Variants in STX11 observed in about 807,000 individuals in gnomAD.
STX11 encodes the protein syntaxin 11, also known as syntaxin-11.
Under a neutral mutation model 19.9 loss-of-function variants are expected in STX11, and 21 were observed. The ratio of observed to expected loss-of-function variants is 1.06; its 90% confidence interval spans 0.75 to 1.52. STX11 has a LOEUF of 1.52. Among genes scored for constraint, STX11 ranks in the 40% most tolerant of loss-of-function variants. The probability of loss-of-function intolerance (pLI) is 0.00; values close to 1 mark genes in which losing one functional copy is unlikely to be tolerated. For missense variants in STX11, 438 were observed against 405.9 expected (o/e 1.08, Z -0.68); for synonymous variants, 193 against 174.4 (o/e 1.11, Z -0.84).
chr6:144,149,318 C>T (rs1465313762), upstream of STX11, among the ~76,000 whole-genome samples: 3 of 151,158 alleles, frequency 2.0e-5, no homozygotes, highest in Admixed American at 6.6e-5. This position sits in a 1 kb window ranked among gnomAD's most constrained non-coding sequence, Gnocchi z 5.1. Context: ...TCAGTGTAGA[C>T]TCATGGATTT....
upstream of STX11, among the ~76,000 whole-genome samples, chr6:144,150,036 A>C (rs1800953059): frequency 1.3e-5 from 2 of 152,142 alleles, no homozygotes; most frequent in African/African-American, 4.8e-5. Flanking sequence ...GGTTCTGGGA[A>C]GGCGGTGCTC....
At position 144,186,637 on chromosome 6, in the gene STX11, C is replaced by T. The variant is rs757734793; in HGVS notation, c.10C>T (p.Arg4Trp). 2.5e-6 allele frequency: 4 copies of T among 1,614,038 alleles called. No homozygotes were observed. The highest frequency in any genetic ancestry group is 2.5e-6 in the Non-Finnish European group (3 of 1,180,034). Residue 4 changes from arginine to tryptophan, a missense_variant, in exon 2 of 2, where the codon CGG becomes TGG. Physicochemically the swap from Arg to Trp is moderately radical, Grantham distance 101 (BLOSUM62 -3). Transcript: ENST00000367568. ...TCTACTTGCAGGCAAAATGAAAGAC[C>T]GGCTAGCAGAACTTCTGGACTTGTC... MKD[R>W]LAELLDLSKQ...
In STX11 at chr6:144,150,601, G is replaced by A; in HGVS notation, c.-108G>A. 3.0e-6 allele frequency: 3 copies of A among 985,450 alleles called. No individual in the cohort carries two copies. The highest frequency in any genetic ancestry group is 3.6e-6 in the Non-Finnish European group (3 of 829,962). 61.0% of individuals were successfully genotyped at this position (985,450 alleles called of 1,614,324 possible). A position where few individuals can be genotyped will look rare whatever the true frequency, so the allele number is the denominator to read the frequency against. ...AGGAGGCGCCGGGAGCGGAGCCGCC[G>A]GGAGTCGCGCAACAGGTTTCCTTCT... On this transcript the variant is annotated 5_prime_UTR_variant, in exon 1 of 2. Coordinates refer to ENST00000367568, the MANE Select transcript of STX11 (RefSeq NM_003764.4).
At chr6:144,146,111 G>C (rs1800868903), upstream of STX11, among the ~76,000 whole-genome samples, 1 of 152,206 alleles carries the variant, frequency 6.6e-6, no homozygotes, top group Non-Finnish European at 1.5e-5. The surrounding 1 kb of genome is among the most constrained non-coding windows in gnomAD (Gnocchi z 4.4). Flanking sequence ...GGCCATGAAG[G>C]AGTTGCACCT....
chr6:144,173,036 G>A (rs184438053), intron 1 of STX11, among the ~76,000 whole-genome samples: 53 of 152,234 alleles, frequency 3.5e-4, no homozygotes, highest in African/African-American at 1.3e-3. Context: ...GTGGTTTCTT[G>A]GTTTATATTC....
At chr6:144,150,342 G>T (rs1374812825), upstream of STX11, among the ~76,000 whole-genome samples, 1 of 152,212 alleles carries the variant, frequency 6.6e-6, no homozygotes, top group Non-Finnish European at 1.5e-5. Flanking sequence ...TTGCGGGAGG[G>T]GCTGGAGCGC....
chr6:144,178,774 T>C (rs1801833328), intron 1 of STX11, among the ~76,000 whole-genome samples: 1 of 152,224 alleles, frequency 6.6e-6, no homozygotes. Context: ...AAATTTTGCT[T>C]TGAATGAGCC....
At chr6:144,179,061 A>C (rs772915774) in intron 1 of STX11, among the ~76,000 whole-genome samples, 3 of 152,178 alleles carry the variant, frequency 2.0e-5, no homozygotes, top group African/African-American at 7.2e-5. Flanking sequence ...GAGAACTTAC[A>C]ATCATGGTGA....
rs1801506652 is a variant in STX11, at chr6:144,167,189, A to G, written c.-6+16486A>G. Among the ~76,000 whole-genome samples, 3 of 152,244 alleles carry G rather than the reference A, an allele frequency of 2.0e-5. No individual in the cohort carries two copies. Among genetic ancestry groups the G allele is most frequent in the African/African-American group, 7.2e-5 (3 of 41,468 alleles). The stretch of plus-strand genomic sequence containing the variant: ...GTTATTTTATAGAATTAGTATATAT[A>G]GTTGTATTAGATGATGGAAAATTGT... On this transcript the variant is annotated intron_variant, in intron 1 of 1. Coordinates refer to ENST00000367568, the MANE Select transcript of STX11 (RefSeq NM_003764.4). This position sits in a 1 kb window ranked among gnomAD's most constrained non-coding sequence, Gnocchi z 5.0.
rs1801803328 is a variant in STX11 at position 144,177,454 on chromosome 6, T to C, written c.-5-9169T>C. Among the ~76,000 whole-genome samples, 1 of 152,182 alleles carries C rather than the reference T, an allele frequency of 6.6e-6. No individual in the cohort carries two copies. Among genetic ancestry groups the C allele is most frequent in the Non-Finnish European group, 1.5e-5 (1 of 68,024 alleles). On this transcript the variant is annotated intron_variant, in intron 1 of 1. Coordinates refer to ENST00000367568, the MANE Select transcript of STX11 (RefSeq NM_003764.4). The surrounding 1 kb of genome is among the most constrained non-coding windows in gnomAD (Gnocchi z 4.4). ...GTGCTCCTGTCTTTACTTTCTCCCTTAGCTCATCTACTGGCTGGGAGCGGT... is the reference window on the plus strand; with the variant it reads ...GTGCTCCTGTCTTTACTTTCTCCCTCAGCTCATCTACTGGCTGGGAGCGGT...
chr6:144,168,569 A>T (rs77790824), intron 1 of STX11, among the ~76,000 whole-genome samples: 1 of 152,178 alleles, frequency 6.6e-6, no homozygotes, highest in Admixed American at 6.5e-5. Context: ...TATTTTTTGC[A>T]TATGTAAGGA....
At chr6:144,158,445 G>A (rs574186058) in intron 1 of STX11, among the ~76,000 whole-genome samples, 99 of 152,280 alleles carry the variant, frequency 6.5e-4, no homozygotes, top group African/African-American at 2.3e-3. Flanking sequence ...TTGCAGATGG[G>A]GGATGGGAAT....
In STX11 at chr6:144,154,321, C is replaced by T. The variant is rs1452970709; in HGVS notation, c.-6+3618C>T. 1.3e-5 allele frequency among the ~76,000 whole-genome samples: 2 copies of T among 152,190 alleles called. No individual in the cohort carries two copies. The highest frequency in any genetic ancestry group is 2.9e-5 in the Non-Finnish European group (2 of 68,038). On this transcript the variant is annotated intron_variant, in intron 1 of 1. Transcript: ENST00000367568. The surrounding 1 kb of genome is among the most constrained non-coding windows in gnomAD (Gnocchi z 4.7). Reference sequence around the variant, plus strand: ...TGCATAAGATGGGCCTTCAGTGTCCCTACTGTGCTACATGACATCCCACCC... The same window carrying T: ...TGCATAAGATGGGCCTTCAGTGTCCTTACTGTGCTACATGACATCCCACCC...
At chr6:144,166,868 CCCTCT>C (rs1801497960) in intron 1 of STX11, among the ~76,000 whole-genome samples, 1 of 150,800 alleles carries the variant, frequency 6.6e-6, no homozygotes, top group African/African-American at 2.4e-5. Context: ...CCCTCCCCTC[CCCTCT>C]CCTTCCCTTC....
At chr6:144,168,734 C>T (rs1801549728) in intron 1 of STX11, among the ~76,000 whole-genome samples, 1 of 152,212 alleles carries the variant, frequency 6.6e-6, no homozygotes, top group Non-Finnish European at 1.5e-5. Context: ...GCATATATGG[C>T]ATCCCTCATG....
At chr6:144,166,328 T>C (rs1358614580) in intron 1 of STX11, among the ~76,000 whole-genome samples, 3 of 152,164 alleles carry the variant, frequency 2.0e-5, no homozygotes, top group Admixed American at 1.3e-4. Flanking sequence ...ACATTAAGTC[T>C]TAAAGACATC....
chr6:144,163,928 A>G (rs1049239474), intron 1 of STX11, among the ~76,000 whole-genome samples: 3 of 152,242 alleles, frequency 2.0e-5, no homozygotes, highest in Non-Finnish European at 4.4e-5. Context: ...CCTGGGTAAC[A>G]GAGCAAGACC....
the STX11 span, among the ~76,000 whole-genome samples, chr6:144,144,325 TA>T: frequency 2.0e-5 from 3 of 152,142 alleles, no homozygotes; most frequent in Non-Finnish European, 4.4e-5. Context: ...CCAAATACAA[TA>T]TTTAAACATG....
chr6:144,157,468 A>G lies in STX11; in HGVS notation c.-6+6765A>G, dbSNP rs533996798. Among the ~76,000 whole-genome samples, 54 of 152,194 alleles carry G rather than the reference A, an allele frequency of 3.5e-4. 1 individual carries two copies. Among genetic ancestry groups the G allele is most frequent in the South Asian group, 2.7e-3 (13 of 4,818 alleles). ...ATCTGGATACCACATCATTTACTAC[A>G]TTTGTAGCCAAGAGAGCATTCTCCT... is the stretch of plus-strand genomic sequence containing the variant. On this transcript the variant is annotated intron_variant, in intron 1 of 1. Coordinates refer to ENST00000367568, the MANE Select transcript of STX11 (RefSeq NM_003764.4).
Sources: gnomAD v4.1 joint callset for allele counts (sites outside exome capture counted in the v4.1 genomes callset) on GRCh38, gnomAD v4.1.1 for gene constraint, Gnocchi (gnomAD v3.1) non-coding constraint, MANE v1.5 for transcripts, NCBI Gene and HGNC (gene_info 2026-07-23, HGNC 2026-07-21) for gene names.